EDAR: variants seen among roughly 807,000 people sequenced by gnomAD.
EDAR encodes the protein tumor necrosis factor receptor superfamily member EDAR.
In EDAR, 38 loss-of-function variants were observed where a neutral mutation model predicts 51.3. That is an observed-to-expected ratio of 0.74 (90% CI 0.57 to 0.97). The LOEUF is 0.97. EDAR is among the 50% of genes least tolerant of loss of function. EDAR has a pLI of 0.00. For missense variants in EDAR, 528 were observed against 595.0 expected (o/e 0.89, Z 1.17); for synonymous variants, 227 against 242.1 (o/e 0.94, Z 0.58).
intron 1 of EDAR, among the ~76,000 whole-genome samples, chr2:108,976,162 T>C (rs1405922529): frequency 6.6e-6 from 1 of 152,212 alleles, no homozygotes; most frequent in African/African-American, 2.4e-5. Flanking sequence ...GATCCCACTT[T>C]ACATTTAATC....
intron 1 of EDAR, among the ~76,000 whole-genome samples, chr2:108,947,431 G>C (rs2105486892): frequency 6.6e-6 from 1 of 152,318 alleles, no homozygotes; most frequent in South Asian, 2.1e-4. Flanking sequence ...CCCCAGTGGG[G>C]ACTCTGTGTG....
chr2:108,937,595 T>C lies in EDAR; in HGVS notation c.-18-6563A>G, dbSNP rs143658691. Among the ~76,000 whole-genome samples the C allele has an allele frequency of 4.7e-5, 7 of 148,718 alleles. 1 individual carries two copies. Among genetic ancestry groups the C allele is most frequent in the African/African-American group, 1.7e-4 (7 of 40,562 alleles). On this transcript the variant is annotated intron_variant, in intron 1 of 11. Transcript: ENST00000258443. ...ATGCTTATGTGTAAGTGTATTTGTATATGAGTGTGTGTATATGTGTGTGAG... is the reference window on the plus strand; with the variant it reads ...ATGCTTATGTGTAAGTGTATTTGTACATGAGTGTGTGTATATGTGTGTGAG...
At chr2:108,978,411 T>C (rs1698365036) in intron 1 of EDAR, among the ~76,000 whole-genome samples, 1 of 152,170 alleles carries the variant, frequency 6.6e-6, no homozygotes, top group Non-Finnish European at 1.5e-5. Flanking sequence ...TCAAACTTGG[T>C]CGACTCTGCG....
chr2:108,941,978 G>A (rs771467705), intron 1 of EDAR, among the ~76,000 whole-genome samples: 3 of 152,202 alleles, frequency 2.0e-5, no homozygotes, highest in Non-Finnish European at 2.9e-5. Flanking sequence ...CTGCTGGCTG[G>A]GGAAGGTGGC....
intron 1 of EDAR, among the ~76,000 whole-genome samples, chr2:108,931,518 T>C (rs1697365610): frequency 6.6e-6 from 1 of 152,174 alleles, no homozygotes; most frequent in Non-Finnish European, 1.5e-5. Flanking sequence ...GAACAGGTTG[T>C]CCATCAAAGT....
intron 1 of EDAR, among the ~76,000 whole-genome samples, chr2:108,980,484 T>C (rs1178817283): frequency 1.3e-5 from 2 of 152,104 alleles, no homozygotes; most frequent in African/African-American, 4.8e-5. Flanking sequence ...TTCACATATA[T>C]ATAATACTTA....
chr2:108,948,252 G>A (rs901301047), intron 1 of EDAR, among the ~76,000 whole-genome samples: 5 of 152,166 alleles, frequency 3.3e-5, no homozygotes, highest in African/African-American at 1.2e-4. Flanking sequence ...GGACTTCATT[G>A]TCCATATCAC....
At chr2:108,963,661 A>C (rs1474223323) in intron 1 of EDAR, among the ~76,000 whole-genome samples, 1 of 152,242 alleles carries the variant, frequency 6.6e-6, no homozygotes, top group Non-Finnish European at 1.5e-5. Context: ...TGCAAGAGCC[A>C]GGAGCCCTTT....
intron 1 of EDAR, 33 bp downstream of exon 1, chr2:108,988,927 T>A (rs1698544815): frequency 6.6e-6 from 1 of 151,572 alleles, no homozygotes; most frequent in African/African-American, 2.4e-5. Flanking sequence ...AGCTGAAGAG[T>A]TTAGAAAACC....
chr2:108,929,003 G>A (rs72836563), intron 4 of EDAR, among the ~76,000 whole-genome samples, 195 bp downstream of exon 4: 3,424 of 152,352 alleles, frequency 0.022, 72 homozygotes, highest in Middle Eastern at 0.048. Flanking sequence ...GAGCCTGATG[G>A]GCTGCCTGTC....
chr2:108,942,664 G>A (rs961524905), intron 1 of EDAR, among the ~76,000 whole-genome samples: 1 of 152,354 alleles, frequency 6.6e-6, no homozygotes, highest in African/African-American at 2.4e-5. Context: ...CTTTCAAGAC[G>A]GCGGGAGCCC....
intron 1 of EDAR, among the ~76,000 whole-genome samples, chr2:108,953,955 A>G (rs964495313): frequency 6.6e-6 from 1 of 152,224 alleles, no homozygotes; most frequent in Non-Finnish European, 1.5e-5. Flanking sequence ...ACTAAAGATT[A>G]CCAAGATCCT....
At chr2:108,914,800 C>A (rs1040820487) in intron 5 of EDAR, among the ~76,000 whole-genome samples, 1 of 152,238 alleles carries the variant, frequency 6.6e-6, no homozygotes, top group Non-Finnish European at 1.5e-5. Context: ...CAGCTGCCAT[C>A]CCCAAATCAA....
chr2:108,904,422 C>T (rs1696764251), intron 11 of EDAR, among the ~76,000 whole-genome samples: 1 of 152,198 alleles, frequency 6.6e-6, no homozygotes, highest in Non-Finnish European at 1.5e-5. Flanking sequence ...AAATAATCAA[C>T]CATGCAACTA....
chr2:108,983,234 G>A (rs773411704), intron 1 of EDAR, among the ~76,000 whole-genome samples: 1 of 152,188 alleles, frequency 6.6e-6, no homozygotes, highest in African/African-American at 2.4e-5. Flanking sequence ...TTATGGACAG[G>A]AGGCTTTAGG....
intron 5 of EDAR, among the ~76,000 whole-genome samples, chr2:108,921,810 G>C (rs1280931094): frequency 6.6e-6 from 1 of 152,232 alleles, no homozygotes; most frequent in African/African-American, 2.4e-5. Flanking sequence ...CCATTTCCCA[G>C]ATGGGCAAGC....
intron 1 of EDAR, among the ~76,000 whole-genome samples, chr2:108,971,847 GA>G (rs1378823689): frequency 2.0e-5 from 3 of 152,154 alleles, no homozygotes; most frequent in Non-Finnish European, 4.4e-5. Flanking sequence ...CTAGCCAACA[GA>G]AAAAAGGGCA....
At chr2:108,979,593 C>A (rs1438199279) in intron 1 of EDAR, among the ~76,000 whole-genome samples, 1 of 152,096 alleles carries the variant, frequency 6.6e-6, no homozygotes, top group Non-Finnish European at 1.5e-5. Flanking sequence ...CTTGGAGACC[C>A]TGAGCCATGC....
At chr2:108,987,768 G>A (rs570696361) in intron 1 of EDAR, among the ~76,000 whole-genome samples, 3 of 152,344 alleles carry the variant, frequency 2.0e-5, no homozygotes, top group African/African-American at 4.8e-5. Context: ...AAGGGTACAC[G>A]TGGACTGTCA....
Sources: gnomAD v4.1 joint callset for allele counts (sites outside exome capture counted in the v4.1 genomes callset) on GRCh38, gnomAD v4.1.1 for gene constraint, MANE v1.5 for transcripts, NCBI Gene and HGNC (gene_info 2026-07-23, HGNC 2026-07-21) for gene names.